PIK3CD: variants seen among roughly 807,000 people sequenced by gnomAD.
PIK3CD encodes phosphatidylinositol-4,5-bisphosphate 3-kinase catalytic subunit delta, also known as phosphatidylinositol 4,5-bisphosphate 3-kinase catalytic subunit delta isoform.
PIK3CD carries 20 observed loss-of-function variants against 122.9 expected under a neutral mutation model. The ratio of observed to expected loss-of-function variants is 0.16; its 90% CI spans 0.11 to 0.24. The LOEUF is 0.24. Ranked by LOEUF, PIK3CD falls within the 10% of genes least tolerant of loss-of-function variation. PIK3CD has a pLI of 1.00. For missense variants in PIK3CD, 787 were observed against 1,406.3 expected (o/e 0.56, Z 7.04); for synonymous variants, 596 against 593.4 (o/e 1.00, Z -0.06).
rs1322909131 is a variant in PIK3CD, at chr1:9,723,930, A to C, written c.2595-39A>C. 6.2e-7 allele frequency: 1 copy of C among 1,607,134 alleles called. No individual in the cohort carries two copies. ...CCCACCTCTTGATAGGCGGAGCTGC[A>C]AAATGGTATGGCCATGCTTTTTAAT... On this transcript the variant is annotated intron_variant, in intron 20 of 23. Transcript: ENST00000377346. The surrounding 1 kb of genome is among the most constrained non-coding windows in gnomAD (Gnocchi z 4.9).
intron 1 of PIK3CD, among the ~76,000 whole-genome samples, chr1:9,682,161 G>T (rs1645780413): frequency 6.6e-6 from 1 of 152,124 alleles, no homozygotes. Flanking sequence ...GAGCTCAAGC[G>T]ATCTGCCTGC....
intron 1 of PIK3CD, among the ~76,000 whole-genome samples, chr1:9,668,081 G>A (rs141360007): frequency 1.3e-5 from 2 of 152,064 alleles, no homozygotes; most frequent in African/African-American, 4.8e-5. Context: ...TTGCCAATGA[G>A]TTTAAATAGC....
At position 9,717,133 on chromosome 1, in the gene PIK3CD, C is replaced by A; in HGVS notation, c.930+25C>A. The A allele has an allele frequency of 6.2e-7, 1 of 1,613,620 alleles. No individual in the cohort carries two copies. On this transcript the variant is annotated intron_variant, in intron 7 of 23. Transcript: ENST00000377346. The surrounding 1 kb of genome is among the most constrained non-coding windows in gnomAD (Gnocchi z 5.4). Reference sequence around the variant, plus strand: ...GGTGAGATGGCGCCTTCCGCCTCCCCTCTGAGCCACCCCTTCTTTCCACCT... The same window carrying A: ...GGTGAGATGGCGCCTTCCGCCTCCCATCTGAGCCACCCCTTCTTTCCACCT...
At position 9,717,778 on chromosome 1, in the gene PIK3CD, T is replaced by C; in HGVS notation, c.1020+152T>C. ...CCCTGCCTGGGGCGCTGTGAGCGGCTTGAAAACAGGAAGTGGGGAGGGGGT... is the reference window on the plus strand; with the variant it reads ...CCCTGCCTGGGGCGCTGTGAGCGGCCTGAAAACAGGAAGTGGGGAGGGGGT... On this transcript the variant is annotated intron_variant, in intron 8 of 23. Transcript: ENST00000377346. The surrounding 1 kb of genome is among the most constrained non-coding windows in gnomAD (Gnocchi z 5.4). 1.3e-6 allele frequency: 1 copy of C among 771,338 alleles called. No individual in the cohort carries two copies. 47.8% of individuals were successfully genotyped at this position (771,338 alleles called of 1,614,324 possible).
the PIK3CD span, among the ~76,000 whole-genome samples, chr1:9,640,764 C>A: frequency 1.9e-3 from 288 of 152,178 alleles, 8 homozygotes; most frequent in East Asian, 0.049. Flanking sequence ...CAGCCTGGAA[C>A]CTTCCCTCTG....
intron 2 of PIK3CD, among the ~76,000 whole-genome samples, chr1:9,692,539 A>G (rs960865900): frequency 7.4e-6 from 1 of 134,968 alleles, no homozygotes; most frequent in Admixed American, 7.5e-5. Context: ...AGCCTGGCCA[A>G]CCAACATGGT....
intron 1 of PIK3CD, among the ~76,000 whole-genome samples, chr1:9,657,782 G>A (rs998456604): frequency 6.6e-6 from 1 of 152,108 alleles, no homozygotes; most frequent in Non-Finnish European, 1.5e-5. Flanking sequence ...AGAGGTGGGG[G>A]GAGGGCTCAG....
At chr1:9,691,730 A>T (rs1646204298) in intron 2 of PIK3CD, 159 bp downstream of exon 2, 2 of 386,902 alleles carry the variant, frequency 5.2e-6, no homozygotes, top group Non-Finnish European at 9.1e-6. Context: ...AGTGACCCAA[A>T]TTGGTGCTAG....
Position 9,652,922 on chromosome 1 carries a change from G to A in PIK3CD, c.-138+1120G>A, listed in dbSNP as rs1048677452. On this transcript the variant is annotated intron_variant, in intron 1 of 23. Transcript: ENST00000377346. The surrounding 1 kb of genome is among the most constrained non-coding windows in gnomAD (Gnocchi z 6.2). Reference sequence around the variant, plus strand: ...CACCCTTGGGATCTGCCCAGTTTGCGGATGGAGCGCGGGGCTGATCGGGCA... The same window carrying A: ...CACCCTTGGGATCTGCCCAGTTTGCAGATGGAGCGCGGGGCTGATCGGGCA... 1 of 152,292 alleles carries A rather than the reference G, an allele frequency of 6.6e-6. No individual in the cohort carries two copies. The highest frequency in any genetic ancestry group is 1.5e-5 in the Non-Finnish European group (1 of 68,128). 9.4% of individuals were successfully genotyped at this position (152,292 alleles called of 1,614,324 possible).
In PIK3CD at chr1:9,700,391, G is replaced by A. The variant is rs540358599; in HGVS notation, c.-33+8820G>A. ...CGTGGTGTCCTGGCCAGAACCCCAT[G>A]TGCGGGAGGGCTCCGCTTTGCACAG... is the stretch of plus-strand genomic sequence containing the variant. On this transcript the variant is annotated intron_variant, in intron 2 of 23. Transcript: ENST00000377346. The surrounding 1 kb of genome is among the most constrained non-coding windows in gnomAD (Gnocchi z 5.1). Among the ~76,000 whole-genome samples the A allele has an allele frequency of 4.6e-5, 7 of 152,322 alleles. No individual in the cohort carries two copies. The highest frequency in any genetic ancestry group is 1.7e-4 in the African/African-American group (7 of 41,580).
chr1:9,686,808 C>T (rs772300637), intron 1 of PIK3CD, among the ~76,000 whole-genome samples: 3 of 152,180 alleles, frequency 2.0e-5, no homozygotes, highest in Non-Finnish European at 4.4e-5. Context: ...CTAGTTGTGC[C>T]ACCTGGGGCA....
chr1:9,678,792 C>T (rs1645635933), intron 1 of PIK3CD, among the ~76,000 whole-genome samples: 1 of 152,212 alleles, frequency 6.6e-6, no homozygotes, highest in African/African-American at 2.4e-5. Flanking sequence ...TCTTGACCAC[C>T]TCTTAAAGAA....
At chr1:9,677,722 C>T (rs1001970602) in intron 1 of PIK3CD, among the ~76,000 whole-genome samples, 15 of 151,080 alleles carry the variant, frequency 9.9e-5, no homozygotes, top group Admixed American at 3.3e-4. Flanking sequence ...ATCGTGCATG[C>T]GGATGTTTTA....
chr1:9,636,341 C>A, the PIK3CD span, among the ~76,000 whole-genome samples: 1 of 152,210 alleles, frequency 6.6e-6, no homozygotes, highest in African/African-American at 2.4e-5. Flanking sequence ...TTACAGGTGC[C>A]CACTACCATA....
intron 2 of PIK3CD, 69 bp downstream of exon 2, chr1:9,691,640 G>C (rs1000950829): frequency 2.3e-5 from 9 of 397,906 alleles, no homozygotes; most frequent in Admixed American, 8.8e-5. Flanking sequence ...GATAGGTTAA[G>C]AATGTGAACA....
At chr1:9,667,351 C>T (rs916435285) in intron 1 of PIK3CD, among the ~76,000 whole-genome samples, 1 of 151,976 alleles carries the variant, frequency 6.6e-6, no homozygotes, top group Admixed American at 6.6e-5. Flanking sequence ...TCATAACATC[C>T]TTGCCAGCAT....
Position 9,716,618 on chromosome 1 carries a change from A to G in PIK3CD, c.779A>G (p.Gln260Arg). The change falls in exon 6 of 24, where the codon CAG becomes CGG. Residue 260 changes from glutamine (Q) to arginine (R), a missense_variant and splice_region_variant. By Grantham distance (43) the Gln-to-Arg change is conservative. Coordinates refer to ENST00000377346, the MANE Select transcript of PIK3CD (RefSeq NM_005026.5). ...GGCAGCTACCCGCTCTGCCAGTTCC[A>G]GGTGAGGCCGCTGAGGCCCTCTGCA... is the stretch of plus-strand genomic sequence containing the variant. The part of the protein sequence containing the change: ...LYGSYPLCQF[Q>R]YICSCLHSGL... The G allele has an allele frequency of 6.4e-7, 1 of 1,554,960 alleles. No homozygotes were observed. The highest frequency in any genetic ancestry group is 8.7e-7 in the Non-Finnish European group (1 of 1,150,496).
rs151278626 is a variant in PIK3CD, at chr1:9,721,246, G to C, written c.1809G>C (p.Leu603=). 4,844 of 1,613,340 alleles carry C rather than the reference G, an allele frequency of 3.0e-3. 14 individuals are homozygous for C. Among genetic ancestry groups the C allele is most frequent in the Non-Finnish European group, 3.4e-3 (3,990 of 1,179,986 alleles). Residue 603 remains leucine, a splice_region_variant and synonymous_variant, in exon 14 of 24, where the codon CTG becomes CTC. Transcript: ENST00000377346. ...GSFAIKSLRK[L]TDDELFQYLL... is the part of the protein sequence containing the mutation. ...TCGCCATCAAGTCGCTGCGGAAACT[G>C]ACGTGAGTCCCAGCTGGGCGCTCCC...
At chr1:9,675,046 G>GAGAAAGAA (rs145905057) in intron 1 of PIK3CD, among the ~76,000 whole-genome samples, 16 of 143,160 alleles carry the variant, frequency 1.1e-4, no homozygotes, top group Middle Eastern at 3.5e-3. Context: ...AAGAGAGAGA[G>GAGAAAGAA]AGAAAGAAAG....
Sources: allele counts gnomAD v4.1 joint callset (sites outside exome capture counted in the v4.1 genomes callset), GRCh38; gene constraint gnomAD v4.1.1; non-coding constraint Gnocchi (gnomAD v3.1); transcripts MANE v1.5; gene names NCBI Gene and HGNC (gene_info 2026-07-23, HGNC 2026-07-21).